TECRL: variants seen among roughly 807,000 people sequenced by gnomAD.
TECRL encodes trans-2,3-enoyl-CoA reductase-like.
Under a neutral mutation model 52.8 loss-of-function variants are expected in TECRL, and 63 were observed. That is an observed-to-expected ratio of 1.19 (90% CI 0.97 to 1.47). The LOEUF is 1.47. TECRL is among the 40% of genes most tolerant of loss of function. The pLI, the probability that TECRL is intolerant of heterozygous loss-of-function variation, is 0.00. For missense variants in TECRL, 482 were observed against 429.6 expected (o/e 1.12, Z -1.08); for synonymous variants, 164 against 141.9 (o/e 1.16, Z -1.10).
chr4:64,408,350 T>G (rs1022155910), intron 1 of TECRL, among the ~76,000 whole-genome samples: 1 of 151,942 alleles, frequency 6.6e-6, no homozygotes, highest in African/African-American at 2.4e-5. Context: ...AAATATGCCT[T>G]TCTCATATTA....
Position 64,278,332 on chromosome 4 carries a change from G to C in TECRL, c.*1740C>G, listed in dbSNP as rs934345720. ...AATTTCCGCAAGAATTTGAACTAAT[G>C]ACATAATACCTATGACACATCTCAC... is the stretch of plus-strand genomic sequence containing the variant. On this transcript the variant is annotated 3_prime_UTR_variant, in exon 12 of 12. Coordinates refer to ENST00000381210, the MANE Select transcript of TECRL (RefSeq NM_001010874.5). 1 of 170,464 alleles carries C rather than the reference G, an allele frequency of 5.9e-6. No individual in the cohort carries two copies. Among genetic ancestry groups the C allele is most frequent in the African/African-American group, 2.4e-5 (1 of 41,634 alleles). The allele number at this position is 170,464 out of a possible 1,614,324, so 10.6% of individuals were successfully genotyped here. A position where few individuals can be genotyped will look rare whatever the true frequency, so the allele number is the denominator to read the frequency against.
At chr4:64,356,333 A>G (rs368192702) in intron 2 of TECRL, among the ~76,000 whole-genome samples, 6 of 152,084 alleles carry the variant, frequency 3.9e-5, no homozygotes, top group Admixed American at 6.5e-5. Flanking sequence ...AAAAGAGGAA[A>G]GCCTCTTGCA....
chr4:64,335,911 G>A (rs578087526), intron 2 of TECRL, among the ~76,000 whole-genome samples: 10 of 152,122 alleles, frequency 6.6e-5, no homozygotes, highest in Admixed American at 3.3e-4. Flanking sequence ...TGCTGGATTC[G>A]GTTTGCCAGT....
chr4:64,292,081 A>G (rs1000438548), intron 8 of TECRL, among the ~76,000 whole-genome samples: 1 of 152,050 alleles, frequency 6.6e-6, no homozygotes, highest in African/African-American at 2.4e-5. Context: ...AACTGGTGAT[A>G]TAATTTCCTT....
At chr4:64,394,401 G>T (rs1037853134) in intron 1 of TECRL, among the ~76,000 whole-genome samples, 3 of 152,052 alleles carry the variant, frequency 2.0e-5, no homozygotes, top group African/African-American at 7.2e-5. Context: ...CTTAATCTTC[G>T]ATAATTGTAG....
At chr4:64,322,421 T>C (rs964399277) in intron 4 of TECRL, among the ~76,000 whole-genome samples, 7 of 147,610 alleles carry the variant, frequency 4.7e-5, no homozygotes, top group East Asian at 2.0e-4. Context: ...GGTAACAAAG[T>C]TGAAGCTCCC....
chr4:64,400,806 C>A (rs1411570145), intron 1 of TECRL, among the ~76,000 whole-genome samples: 1 of 152,102 alleles, frequency 6.6e-6, no homozygotes, highest in Non-Finnish European at 1.5e-5. Flanking sequence ...CTTCCTGAGG[C>A]CTCCCCAGAA....
At chr4:64,329,342 C>T (rs562295209) in intron 2 of TECRL, among the ~76,000 whole-genome samples, 172 of 151,738 alleles carry the variant, frequency 1.1e-3, no homozygotes, top group Non-Finnish European at 2.1e-3. Context: ...AGGAATTTTC[C>T]ACAATTATCT....
chr4:64,361,389 G>A (rs553769341), intron 2 of TECRL, among the ~76,000 whole-genome samples: 27 of 152,198 alleles, frequency 1.8e-4, no homozygotes, highest in Middle Eastern at 3.4e-3. Context: ...TGCATGGACC[G>A]TCTGCCGCCA....
In TECRL at chr4:64,394,290, T is replaced by C. The variant is rs530463882; in HGVS notation, c.234+14828A>G. ...AGCGTAGCCTATGCTCCTTATGGTA[T>C]AGAAGAGACAACTATCAAACATAAT... is the stretch of plus-strand genomic sequence containing the variant. On this transcript the variant is annotated intron_variant, in intron 1 of 11. Coordinates refer to ENST00000381210, the MANE Select transcript of TECRL (RefSeq NM_001010874.5). Among the ~76,000 whole-genome samples the C allele has an allele frequency of 3.5e-4, 54 of 152,286 alleles. No individual in the cohort carries two copies. The South Asian group carries it at 1.0e-2, about 28-fold the overall frequency.
chr4:64,405,256 C>G (rs952581519), intron 1 of TECRL, among the ~76,000 whole-genome samples: 2 of 152,116 alleles, frequency 1.3e-5, no homozygotes, highest in Admixed American at 6.6e-5. Flanking sequence ...ATGATATTAT[C>G]TGCCAGGATT....
At chr4:64,336,486 GT>G (rs1349958678) in intron 2 of TECRL, among the ~76,000 whole-genome samples, 1 of 152,094 alleles carries the variant, frequency 6.6e-6, no homozygotes, top group African/African-American at 2.4e-5. Flanking sequence ...TTTTTGAAGG[GT>G]TTTTTGTGTC....
intron 1 of TECRL, among the ~76,000 whole-genome samples, chr4:64,385,499 G>T (rs1560548260): frequency 6.6e-6 from 1 of 152,060 alleles, no homozygotes; most frequent in African/African-American, 2.4e-5. Flanking sequence ...CCTGTTTCCT[G>T]GGACACAGGA....
Position 64,279,958 on chromosome 4 carries a change from G to T in TECRL, c.*114C>A, listed in dbSNP as rs1722733869. 5.7e-6 allele frequency: 8 copies of T among 1,410,558 alleles called. No homozygotes were observed. In the South Asian group the frequency reaches 1.2e-4, roughly 22 times the overall value. 87.4% of individuals were successfully genotyped at this position (1,410,558 alleles called of 1,614,324 possible). On this transcript the variant is annotated 3_prime_UTR_variant, in exon 12 of 12. Coordinates refer to ENST00000381210, the MANE Select transcript of TECRL (RefSeq NM_001010874.5). ...TTTTACTATTTTATATTTTTACTCA[G>T]TGTATATACTGTTGCTCATGAATTG... is the stretch of plus-strand genomic sequence containing the variant.
At chr4:64,340,804 G>A (rs1042448343) in intron 2 of TECRL, among the ~76,000 whole-genome samples, 7 of 152,164 alleles carry the variant, frequency 4.6e-5, no homozygotes, top group Non-Finnish European at 1.0e-4. Context: ...GTGAACTTGT[G>A]GTGTCTTTTC....
intron 2 of TECRL, among the ~76,000 whole-genome samples, chr4:64,342,060 G>A (rs28413486): frequency 0.03 from 4,516 of 150,670 alleles, 106 homozygotes; most frequent in African/African-American, 0.067. Flanking sequence ...GCAGGCCCAA[G>A]GAAAACTCAG....
intron 3 of TECRL, among the ~76,000 whole-genome samples, chr4:64,324,156 A>G (rs547006176): frequency 6.6e-6 from 1 of 152,184 alleles, no homozygotes; most frequent in African/African-American, 2.4e-5. Flanking sequence ...AATTGACTCC[A>G]TTCTTAAAAA....
intron 1 of TECRL, among the ~76,000 whole-genome samples, chr4:64,380,606 A>G (rs1722720934): frequency 6.6e-6 from 1 of 152,052 alleles, no homozygotes; most frequent in Non-Finnish European, 1.5e-5. Flanking sequence ...GTCTAATCAC[A>G]TTCTTCTGCA....
intron 2 of TECRL, among the ~76,000 whole-genome samples, chr4:64,364,732 C>T (rs965830609): frequency 2.0e-5 from 3 of 151,834 alleles, no homozygotes; most frequent in Non-Finnish European, 4.4e-5. Flanking sequence ...CTGTACAGAC[C>T]AATAATAAAA....
Sources: gnomAD v4.1 joint callset for allele counts (sites outside exome capture counted in the v4.1 genomes callset) on GRCh38, gnomAD v4.1.1 for gene constraint, MANE v1.5 for transcripts, NCBI Gene and HGNC (gene_info 2026-07-23, HGNC 2026-07-21) for gene names.